Variants in CYP4X1 observed in about 807,000 individuals in gnomAD.
CYP4X1 encodes cytochrome P450 family 4 subfamily X member 1, also known as cytochrome P450 4X1.
A neutral mutation model predicts 57.9 loss-of-function variants in CYP4X1; 44 were observed. That is an observed-to-expected ratio of 0.76 (90% CI 0.60 to 0.98). The LOEUF is 0.98. CYP4X1 is among the 50% of genes least tolerant of loss of function. CYP4X1 has a pLI of 0.00. For missense variants in CYP4X1, 532 were observed against 623.9 expected (o/e 0.85, Z 1.57); for synonymous variants, 227 against 228.6 (o/e 0.99, Z 0.06).
At chr1:47,011,438 C>A in the CYP4X1 span, among the ~76,000 whole-genome samples, 1 of 152,106 alleles carries the variant, frequency 6.6e-6, no homozygotes, top group African/African-American at 2.4e-5. Flanking sequence ...AATGTTAGAC[C>A]TAAAACCATA....
chr1:47,013,757 CTCTT>C, the CYP4X1 span, among the ~76,000 whole-genome samples: 2 of 144,954 alleles, frequency 1.4e-5, no homozygotes, highest in African/African-American at 5.1e-5. Flanking sequence ...CCTCAATATA[CTCTT>C]TTTTTTTTTT....
At chr1:46,969,009 T>A in the CYP4X1 span, among the ~76,000 whole-genome samples, 1 of 152,210 alleles carries the variant, frequency 6.6e-6, no homozygotes, top group Non-Finnish European at 1.5e-5. Context: ...GTTGGTCCCC[T>A]CCAAATCTCA....
upstream of CYP4X1, among the ~76,000 whole-genome samples, chr1:47,021,142 C>CAAAAAAAAAAAAAA (rs546594827): frequency 7.6e-4 from 36 of 47,456 alleles, 3 homozygotes; most frequent in East Asian, 2.5e-3. Flanking sequence ...GCAGGAATGC[C>CAAAAAAAAAAAAAA]AAAAAAAAAA....
intron 8 of CYP4X1, among the ~76,000 whole-genome samples, chr1:47,041,563 T>C (rs1395906394): frequency 1.3e-5 from 2 of 152,204 alleles, no homozygotes; most frequent in African/African-American, 4.8e-5. Flanking sequence ...AAATACCTGC[T>C]GGCCATTCAT....
chr1:47,006,879 G>A, the CYP4X1 span, among the ~76,000 whole-genome samples: 2 of 152,230 alleles, frequency 1.3e-5, no homozygotes, highest in Non-Finnish European at 2.9e-5. Flanking sequence ...GCGAGGCTGG[G>A]GGAGGGCACC....
chr1:46,975,266 T>C, the CYP4X1 span, among the ~76,000 whole-genome samples: 26 of 152,194 alleles, frequency 1.7e-4, 1 homozygote, highest in Admixed American at 2.6e-4. Flanking sequence ...AGTGTTGTGG[T>C]CTATGTATTG....
chr1:46,973,578 G>T, the CYP4X1 span, among the ~76,000 whole-genome samples: 4 of 152,182 alleles, frequency 2.6e-5, no homozygotes, highest in South Asian at 6.2e-4. Context: ...CTGGTTGGTA[G>T]ATATTTTATT....
At chr1:47,011,306 G>A in the CYP4X1 span, among the ~76,000 whole-genome samples, 1 of 152,168 alleles carries the variant, frequency 6.6e-6, no homozygotes, top group Non-Finnish European at 1.5e-5. Flanking sequence ...AAGAAATGGG[G>A]AAAGGATTCC....
chr1:47,002,646 C>T, the CYP4X1 span, among the ~76,000 whole-genome samples: 2 of 152,316 alleles, frequency 1.3e-5, no homozygotes, highest in South Asian at 2.1e-4. Flanking sequence ...ATTTCTAAAG[C>T]ATCCATTTTG....
chr1:46,962,982 A>T, the CYP4X1 span, among the ~76,000 whole-genome samples: 1 of 152,190 alleles, frequency 6.6e-6, no homozygotes, highest in Non-Finnish European at 1.5e-5. Context: ...CTTCTTGTTG[A>T]ATTGATCCCT....
chr1:47,030,500 ACT>A (rs1378919144), intron 2 of CYP4X1, among the ~76,000 whole-genome samples: 1 of 151,966 alleles, frequency 6.6e-6, no homozygotes, highest in African/African-American at 2.4e-5. Flanking sequence ...ATCAGCAGTA[ACT>A]CTACCTCTGC....
intron 1 of CYP4X1, among the ~76,000 whole-genome samples, chr1:47,028,746 C>T (rs1029580560): frequency 6.6e-6 from 1 of 152,172 alleles, no homozygotes; most frequent in African/African-American, 2.4e-5. Context: ...TTACAATATT[C>T]ATGAGGGCAA....
intron 1 of CYP4X1, among the ~76,000 whole-genome samples, chr1:47,027,510 TCTCTTCAAG>T (rs1297834606): frequency 6.6e-6 from 1 of 152,310 alleles, no homozygotes; most frequent in Non-Finnish European, 1.5e-5. Flanking sequence ...ACATTTCAAG[TCTCTTCAAG>T]CTCTTCAGAA....
the CYP4X1 span, among the ~76,000 whole-genome samples, chr1:46,964,335 GT>G: frequency 2.6e-5 from 4 of 152,194 alleles, no homozygotes; most frequent in Admixed American, 2.0e-4. Flanking sequence ...AGAGTTTCCA[GT>G]TTTTCTGCTC....
At position 47,033,304 on chromosome 1, in the gene CYP4X1, G is replaced by T. The variant is rs1644143412; in HGVS notation, c.428G>T (p.Gly143Val). Residue 143 changes from glycine (G) to valine (V), a missense_variant, in exon 4 of 12, where the codon GGA becomes GTA. Transcript: ENST00000371901. ...CAGCATCGTCGCCTACTAACTCCTG[G>T]ATTCCATTTTAACATCCTGAAAGCA... ...WFQHRRLLTP[G>V]FHFNILKAYI... 1 of 1,613,796 alleles carries T rather than the reference G, an allele frequency of 6.2e-7. No individual in the cohort carries two copies. The highest frequency in any genetic ancestry group is 1.3e-5 in the African/African-American group (1 of 74,982).
chr1:47,044,770 A>C (rs1453517734), intron 8 of CYP4X1, among the ~76,000 whole-genome samples: 1 of 152,004 alleles, frequency 6.6e-6, no homozygotes, highest in Middle Eastern at 3.2e-3. Flanking sequence ...CATGATTGAA[A>C]TGGACAAAAT....
intron 1 of CYP4X1, among the ~76,000 whole-genome samples, chr1:47,028,464 T>G (rs1210942240): frequency 6.6e-6 from 1 of 152,230 alleles, no homozygotes; most frequent in Non-Finnish European, 1.5e-5. Flanking sequence ...TAGCAGTGCT[T>G]GATAAATGTT....
the CYP4X1 span, among the ~76,000 whole-genome samples, chr1:46,969,087 C>T: frequency 1.3e-5 from 2 of 152,070 alleles, no homozygotes; most frequent in Non-Finnish European, 2.9e-5. Flanking sequence ...GGGCAGATCC[C>T]TCATTATGGT....
the CYP4X1 span, among the ~76,000 whole-genome samples, chr1:47,001,696 C>T: frequency 0.075 from 11,430 of 152,230 alleles, 1,253 homozygotes; most frequent in African/African-American, 0.24. Flanking sequence ...CTTTGTCATC[C>T]CTCAGTCTTC....
Sources: gnomAD v4.1 joint callset for allele counts (sites outside exome capture counted in the v4.1 genomes callset) on GRCh38, gnomAD v4.1.1 for gene constraint, MANE v1.5 for transcripts, NCBI Gene and HGNC (gene_info 2026-07-23, HGNC 2026-07-21) for gene names.